EGFLAM: variants seen among roughly 807,000 people sequenced by gnomAD.
EGFLAM encodes pikachurin.
In EGFLAM, 79 loss-of-function variants were observed where a neutral mutation model predicts 113.1. That is an observed-to-expected ratio of 0.70 (90% CI 0.58 to 0.84). The LOEUF is 0.84. Among genes scored for constraint, EGFLAM ranks in the 40% least tolerant of loss-of-function variants. EGFLAM has a pLI of 0.00. For synonymous variants in EGFLAM, 504 were observed against 487.6 expected (o/e 1.03, Z -0.44); for missense variants, 1,265 against 1,291.6 (o/e 0.98, Z 0.32).
chr5:38,272,982 C>T (rs116239482), intron 1 of EGFLAM, among the ~76,000 whole-genome samples: 1,558 of 152,232 alleles, frequency 0.01, 28 homozygotes, highest in African/African-American at 0.036. Flanking sequence ...AATCATTCCC[C>T]TGCATAAACA....
At position 38,464,102 on chromosome 5, in the gene EGFLAM, C is replaced by T. The variant is rs1743388836; in HGVS notation, c.*116C>T. On this transcript the variant is annotated 3_prime_UTR_variant, in exon 22 of 22. Coordinates refer to ENST00000322350, the MANE Select transcript of EGFLAM (RefSeq NM_152403.4). Reference sequence around the variant, plus strand: ...AGGGACCAGGTGTGTTTCCTCTCACCAAGAAGAAAGTACACACTGATGAGA... The same window carrying T: ...AGGGACCAGGTGTGTTTCCTCTCACTAAGAAGAAAGTACACACTGATGAGA... 2 of 1,364,026 alleles carry T rather than the reference C, an allele frequency of 1.5e-6. No individual in the cohort carries two copies. The highest frequency in any genetic ancestry group is 1.4e-5 in the South Asian group (1 of 69,254). 84.5% of individuals were successfully genotyped at this position (1,364,026 alleles called of 1,614,324 possible).
intron 1 of EGFLAM, among the ~76,000 whole-genome samples, chr5:38,324,256 T>C (rs751616825): frequency 5.3e-5 from 8 of 152,184 alleles, no homozygotes; most frequent in Admixed American, 1.3e-4. Flanking sequence ...TACCAGACCA[T>C]GTGCTGTGAC....
chr5:38,316,101 A>G (rs941099269), intron 1 of EGFLAM, among the ~76,000 whole-genome samples: 25 of 150,720 alleles, frequency 1.7e-4, no homozygotes, highest in African/African-American at 5.9e-4. Flanking sequence ...AATCCTAAGC[A>G]CAGAATCTGG....
At chr5:38,455,819 G>C (rs1329883409) in intron 19 of EGFLAM, among the ~76,000 whole-genome samples, 1 of 152,154 alleles carries the variant, frequency 6.6e-6, no homozygotes, top group Non-Finnish European at 1.5e-5. Context: ...TCGGGCTGCA[G>C]AACAGAAGGA....
chr5:38,421,823 A>G (rs1741832888), intron 12 of EGFLAM, among the ~76,000 whole-genome samples: 1 of 152,038 alleles, frequency 6.6e-6, no homozygotes, highest in East Asian at 1.9e-4. Context: ...GGAAAGAAGG[A>G]CATTCCAGGC....
intron 1 of EGFLAM, among the ~76,000 whole-genome samples, chr5:38,270,779 G>A (rs1327768246): frequency 1.3e-5 from 2 of 152,306 alleles, no homozygotes; most frequent in Non-Finnish European, 2.9e-5. Flanking sequence ...GATGACGGAA[G>A]ATATACCTGC....
At position 38,335,554 on chromosome 5, in the gene EGFLAM, T is replaced by G. The variant is rs544828533; in HGVS notation, c.98-1966T>G. Among the ~76,000 whole-genome samples, 533 of 152,290 alleles carry G rather than the reference T, an allele frequency of 3.5e-3. 2 individuals are homozygous for G. Among genetic ancestry groups the G allele is most frequent in the Non-Finnish European group, 6.1e-3 (412 of 68,024 alleles). ...GGACTGATCCTTCCTCTACTGCCTC[T>G]TGGTTGAGCCAAGAGGAAGCCACAT... On this transcript the variant is annotated intron_variant, in intron 1 of 21. Coordinates refer to ENST00000322350, the MANE Select transcript of EGFLAM (RefSeq NM_152403.4).
At chr5:38,314,377 T>C (rs1738536471) in intron 1 of EGFLAM, among the ~76,000 whole-genome samples, 2 of 152,210 alleles carry the variant, frequency 1.3e-5, no homozygotes, top group African/African-American at 4.8e-5. Context: ...TAATTACAGT[T>C]AAAGGGTATT....
At chr5:38,449,726 G>A (rs975173275) in intron 18 of EGFLAM, among the ~76,000 whole-genome samples, 2 of 152,036 alleles carry the variant, frequency 1.3e-5, no homozygotes, top group African/African-American at 4.8e-5. Context: ...ATGTGTGTGA[G>A]GCTGCAGGTA....
intron 6 of EGFLAM, chr5:38,403,761 A>G: frequency 1.3e-6 from 2 of 1,570,996 alleles, no homozygotes; most frequent in East Asian, 2.3e-5. Flanking sequence ...GCAAAAATAC[A>G]GATAAGGGGG....
intron 13 of EGFLAM, among the ~76,000 whole-genome samples, chr5:38,426,141 C>G (rs752720069): frequency 4.6e-5 from 7 of 151,450 alleles, no homozygotes; most frequent in Non-Finnish European, 1.0e-4. Context: ...GACACAGAAA[C>G]GTTAACAATG....
chr5:38,351,796 TA>T (rs1739632218), intron 4 of EGFLAM, among the ~76,000 whole-genome samples: 1 of 152,130 alleles, frequency 6.6e-6, no homozygotes, highest in South Asian at 2.1e-4. Flanking sequence ...TCCTTGAAGG[TA>T]AATATCAGTT....
chr5:38,358,273 G>A (rs1441635113), intron 5 of EGFLAM, among the ~76,000 whole-genome samples: 11 of 151,056 alleles, frequency 7.3e-5, no homozygotes, highest in African/African-American at 7.3e-5. Context: ...ATGAAACCCC[G>A]TCTCTACTAA....
intron 6 of EGFLAM, among the ~76,000 whole-genome samples, chr5:38,391,688 C>G (rs1026180946): frequency 6.6e-6 from 1 of 152,272 alleles, no homozygotes; most frequent in South Asian, 2.1e-4. Flanking sequence ...TGAGCCACTG[C>G]GCCCGGCCTT....
At chr5:38,270,836 G>C (rs1174009788) in intron 1 of EGFLAM, among the ~76,000 whole-genome samples, 1 of 152,124 alleles carries the variant, frequency 6.6e-6, no homozygotes, top group Non-Finnish European at 1.5e-5. Flanking sequence ...CAATGTTAAT[G>C]CATATTAATT....
intron 1 of EGFLAM, chr5:38,290,569 G>C (rs541669621): frequency 6.6e-6 from 1 of 151,354 alleles, no homozygotes; most frequent in South Asian, 2.1e-4. Context: ...ATAGCTCTGT[G>C]CTCTAACCAA....
Position 38,275,765 on chromosome 5 carries a change from C to T in EGFLAM, c.97+16914C>T, listed in dbSNP as rs533442099. ...TTCTATCTAACAGTTGCAGAATACA[C>T]AATTTTCTTAACTGCACATGGAACA... On this transcript the variant is annotated intron_variant, in intron 1 of 21. Transcript: ENST00000322350. Among the ~76,000 whole-genome samples the T allele has an allele frequency of 2.8e-4, 43 of 152,272 alleles. No individual in the cohort carries two copies. The Middle Eastern group carries it at 0.01, about 36-fold the overall frequency.
Position 38,394,924 on chromosome 5 carries a change from T to C in EGFLAM, c.713-11202T>C, listed in dbSNP as rs551955974. On this transcript the variant is annotated intron_variant, in intron 6 of 21. Transcript: ENST00000322350. ...CTGTTACTGTTGAACAACCATTTAATTGAATATAGGGTTTTTTTAATTTTT... is the reference window on the plus strand; with the variant it reads ...CTGTTACTGTTGAACAACCATTTAACTGAATATAGGGTTTTTTTAATTTTT... 1.6e-4 allele frequency among the ~76,000 whole-genome samples: 25 copies of C among 152,154 alleles called. No individual in the cohort carries two copies. The South Asian group carries it at 5.2e-3, about 32-fold the overall frequency.
At chr5:38,437,254 T>G (rs1469773790) in intron 16 of EGFLAM, among the ~76,000 whole-genome samples, 2 of 152,146 alleles carry the variant, frequency 1.3e-5, no homozygotes, top group East Asian at 1.9e-4. Flanking sequence ...CTTTTGTTTC[T>G]TAAGTGGGGA....
Sources: gnomAD v4.1 joint callset for allele counts (sites outside exome capture counted in the v4.1 genomes callset) on GRCh38, gnomAD v4.1.1 for gene constraint, MANE v1.5 for transcripts, NCBI Gene and HGNC (gene_info 2026-07-23, HGNC 2026-07-21) for gene names.